Variants in ACCSL observed in about 807,000 individuals in gnomAD.
ACCSL encodes the protein probable inactive 1-aminocyclopropane-1-carboxylate synthase-like protein 2.
ACCSL carries 55 observed loss-of-function variants against 61.7 expected under a neutral mutation model. The observed-to-expected ratio is 0.89, with a 90% CI of 0.72 to 1.12. The LOEUF is 1.12. Among genes scored for constraint, ACCSL ranks in the 50% most tolerant of loss-of-function variants. The pLI, the probability that ACCSL is intolerant of heterozygous loss-of-function variation, is 0.00. For missense variants in ACCSL, 632 were observed against 698.0 expected, an observed-to-expected ratio of 0.91 and a Z score of 1.07; for synonymous variants, 258 against 264.3, an observed-to-expected ratio of 0.98 and a Z score of 0.23.
the ACCSL span, among the ~76,000 whole-genome samples, chr11:44,040,349 G>A: frequency 1.1e-4 from 17 of 152,154 alleles, no homozygotes; most frequent in Non-Finnish European, 2.2e-4. Context: ...AGTTCTCCAG[G>A]TGATGCCAAT....
the ACCSL span, among the ~76,000 whole-genome samples, chr11:44,022,087 G>GCTCA: frequency 6.6e-6 from 1 of 151,654 alleles, no homozygotes; most frequent in East Asian, 1.9e-4. Flanking sequence ...TAGTTTTGCT[G>GCTCA]TAGCTATGAG....
the ACCSL span, among the ~76,000 whole-genome samples, chr11:43,960,307 C>T: frequency 0.48 from 72,715 of 152,048 alleles, 17,601 homozygotes; most frequent in Non-Finnish European, 0.52. Context: ...ATTCCTTTTT[C>T]CTTTAATTTA....
the ACCSL span, among the ~76,000 whole-genome samples, chr11:43,951,228 G>A: frequency 6.6e-6 from 1 of 152,172 alleles, no homozygotes; most frequent in South Asian, 2.1e-4. Flanking sequence ...GAAACCTGGG[G>A]CCTTACAGAA....
the ACCSL span, among the ~76,000 whole-genome samples, chr11:43,992,164 A>C: frequency 6.7e-6 from 1 of 148,774 alleles, no homozygotes; most frequent in Admixed American, 6.8e-5. Context: ...GGATCCTCCC[A>C]CCTCAGCCTC....
chr11:43,937,843 T>A, the ACCSL span, among the ~76,000 whole-genome samples: 1 of 152,234 alleles, frequency 6.6e-6, no homozygotes, highest in Admixed American at 6.5e-5. Context: ...CTGTAATCGT[T>A]ACAGGGGAAG....
At chr11:43,933,294 C>T in the ACCSL span, 1 of 395,302 alleles carries the variant, frequency 2.5e-6, no homozygotes, top group Non-Finnish European at 5.1e-6. Context: ...TCCCTGTCCA[C>T]ATATGAGGGA....
chr11:43,943,674 C>T, the ACCSL span: 2 of 1,304,848 alleles, frequency 1.5e-6, 1 homozygote, highest in South Asian at 2.5e-5. This position sits in a 1 kb window ranked among gnomAD's most constrained non-coding sequence, Gnocchi z 4.8. Context: ...CATTCACACT[C>T]ACGCCAACAC....
the ACCSL span, among the ~76,000 whole-genome samples, chr11:43,959,752 T>A: frequency 2.0e-5 from 3 of 152,020 alleles, no homozygotes; most frequent in African/African-American, 7.2e-5. Context: ...GCAGGCAGGG[T>A]TTGTAGAGAC....
chr11:43,977,188 T>A, the ACCSL span, among the ~76,000 whole-genome samples: 27,203 of 152,126 alleles, frequency 0.18, 2,734 homozygotes, highest in East Asian at 0.23. Context: ...CCTCTCTGAG[T>A]GTGGTAGGTA....
the ACCSL span, among the ~76,000 whole-genome samples, chr11:43,976,473 T>C: frequency 1.3e-4 from 20 of 152,222 alleles, no homozygotes; most frequent in Non-Finnish European, 8.8e-5. Flanking sequence ...AAAGTCTAAG[T>C]ATTTGTTAAG....
upstream of ACCSL, among the ~76,000 whole-genome samples, chr11:44,046,659 T>C (rs1952599362): frequency 6.6e-6 from 1 of 152,172 alleles, no homozygotes; most frequent in African/African-American, 2.4e-5. Context: ...AACGAGGTTT[T>C]TTTTTGTGTT....
chr11:44,010,988 A>T, the ACCSL span, among the ~76,000 whole-genome samples: 3 of 152,328 alleles, frequency 2.0e-5, no homozygotes, highest in Admixed American at 6.5e-5. Flanking sequence ...AGTCCAAATA[A>T]GTTAAAATAT....
chr11:43,932,261 T>G, the ACCSL span, among the ~76,000 whole-genome samples: 2 of 152,134 alleles, frequency 1.3e-5, no homozygotes, highest in East Asian at 3.9e-4. Context: ...TGAGAAGACT[T>G]TTTTTTCTTT....
At chr11:43,943,841 T>C in the ACCSL span, 2 of 1,289,686 alleles carry the variant, frequency 1.6e-6, no homozygotes, top group Non-Finnish European at 2.0e-6. This position sits in a 1 kb window ranked among gnomAD's most constrained non-coding sequence, Gnocchi z 4.8. Context: ...TCTGTGAGGC[T>C]CCTGAAAGGA....
At chr11:43,991,199 T>C in the ACCSL span, among the ~76,000 whole-genome samples, 190 of 152,344 alleles carry the variant, frequency 1.2e-3, no homozygotes, top group African/African-American at 4.0e-3. Context: ...CACTGGGATA[T>C]GGCAGTGCCC....
chr11:43,976,671 G>A, the ACCSL span, among the ~76,000 whole-genome samples: 2 of 152,236 alleles, frequency 1.3e-5, no homozygotes, highest in East Asian at 3.9e-4. Flanking sequence ...TCTGTGGAAG[G>A]GGAAGGCACA....
chr11:44,028,736 G>C, the ACCSL span, among the ~76,000 whole-genome samples: 9 of 152,180 alleles, frequency 5.9e-5, no homozygotes, highest in Non-Finnish European at 8.8e-5. Flanking sequence ...AGTCTTGTCT[G>C]TGCCTCAGTC....
At chr11:43,942,245 A>AGT in the ACCSL span, 3 of 153,160 alleles carry the variant, frequency 2.0e-5, no homozygotes, top group Admixed American at 6.7e-5. Flanking sequence ...CAGCGCCTCA[A>AGT]GTGTGTGCAT....
chr11:43,944,696 C>G, the ACCSL span: 2 of 152,390 alleles, frequency 1.3e-5, no homozygotes, highest in Admixed American at 1.3e-4. Context: ...GTTTGTCTTT[C>G]CAGTGCTCTT....
Sources: allele counts gnomAD v4.1 joint callset (sites outside exome capture counted in the v4.1 genomes callset), GRCh38; gene constraint gnomAD v4.1.1; non-coding constraint Gnocchi (gnomAD v3.1); transcripts MANE v1.5; gene names NCBI Gene and HGNC (gene_info 2026-07-23, HGNC 2026-07-21).